Variants in MDGA2 observed in about 807,000 individuals in gnomAD.
MDGA2 encodes MAM domain containing glycosylphosphatidylinositol anchor 2.
MDGA2 carries 40 observed loss-of-function variants against 117.8 expected under a neutral mutation model. That is an observed-to-expected ratio of 0.34 (90% CI 0.26 to 0.44). MDGA2 has a LOEUF of 0.44. Ranked by LOEUF, MDGA2 falls within the 20% of genes least tolerant of loss-of-function variation. The probability of loss-of-function intolerance (pLI) is 1.00; values close to 1 mark genes in which losing one functional copy is unlikely to be tolerated. For synonymous variants in MDGA2, 452 were observed against 439.0 expected (o/e 1.03, Z -0.37); for missense variants, 1,123 against 1,250.6 (o/e 0.90, Z 1.54).
chr14:47,502,421 T>A (rs1276676792), intron 1 of MDGA2, among the ~76,000 whole-genome samples: 1 of 152,138 alleles, frequency 6.6e-6, no homozygotes, highest in Non-Finnish European at 1.5e-5. Context: ...AGAACTAAAT[T>A]CTGTCTCATG....
intron 1 of MDGA2, among the ~76,000 whole-genome samples, chr14:47,384,466 A>C (rs1891713058): frequency 6.6e-6 from 1 of 151,932 alleles, no homozygotes; most frequent in Non-Finnish European, 1.5e-5. Flanking sequence ...TAGAATTGTT[A>C]TCTTGTATTA....
At chr14:47,154,443 C>T (rs1883286744) in intron 3 of MDGA2, among the ~76,000 whole-genome samples, 1 of 152,054 alleles carries the variant, frequency 6.6e-6, no homozygotes, top group Non-Finnish European at 1.5e-5. Context: ...CCCTGTGATC[C>T]CAGGCACAGC....
rs1897896664 is a variant in MDGA2, at chr14:47,663,977, TTATA to T, written c.280+10536_280+10539del. On this transcript the variant is annotated intron_variant, in intron 1 of 16. Coordinates refer to ENST00000399232, the MANE Select transcript of MDGA2 (RefSeq NM_001113498.3). ...CACGTATTTGAACACACTTATAGAT[TTATA>T]TAAGCATAAATTTACCCATAACCAT... Among the ~76,000 whole-genome samples the T allele has an allele frequency of 2.6e-5, 4 of 152,244 alleles. No homozygotes were observed. The South Asian group carries it at 8.3e-4, about 32-fold the overall frequency.
In MDGA2 at chr14:47,082,938, A is replaced by C. The variant is rs74596436; in HGVS notation, c.1195+13916T>G. ...AAAAATTAAATAAGTGAAATGAAGA[A>C]TTCAATAAATATGTCTACTAGTAGA... On this transcript the variant is annotated intron_variant, in intron 6 of 16. Transcript: ENST00000399232. Among the ~76,000 whole-genome samples the C allele has an allele frequency of 3.2e-4, 48 of 152,176 alleles. No homozygotes were observed. The East Asian group carries it at 9.1e-3, about 29-fold the overall frequency.
intron 1 of MDGA2, among the ~76,000 whole-genome samples, chr14:47,558,956 G>A (rs1330038217): frequency 6.6e-6 from 1 of 151,812 alleles, no homozygotes; most frequent in Non-Finnish European, 1.5e-5. Flanking sequence ...ATATACATAC[G>A]ATACACATAT....
intron 1 of MDGA2, among the ~76,000 whole-genome samples, chr14:47,439,347 G>A (rs2138543515): frequency 6.6e-6 from 1 of 152,174 alleles, no homozygotes; most frequent in East Asian, 1.9e-4. Context: ...GTATGTGTGT[G>A]TATGTTTATC....
chr14:47,123,156 G>T, intron 5 of MDGA2, among the ~76,000 whole-genome samples: 1 of 152,032 alleles, frequency 6.6e-6, no homozygotes, highest in East Asian at 1.9e-4. Context: ...TCTGGATTAT[G>T]ATATCTTCTG....
chr14:47,278,150 T>C (rs1182385272), intron 2 of MDGA2, among the ~76,000 whole-genome samples: 1 of 151,552 alleles, frequency 6.6e-6, no homozygotes. Context: ...AATAAATAAA[T>C]TAATTAAATA....
intron 12 of MDGA2, among the ~76,000 whole-genome samples, chr14:46,875,383 T>C (rs1351904087): frequency 1.3e-5 from 2 of 151,786 alleles, no homozygotes; most frequent in African/African-American, 4.8e-5. Context: ...AGTTTATGTT[T>C]TGTTTTTGTT....
rs1898164052 is a variant in MDGA2 at position 47,675,327 on chromosome 14, AG to A, written c.-532del. On this transcript the variant is annotated 5_prime_UTR_variant, in exon 1 of 17. Coordinates refer to ENST00000399232, the MANE Select transcript of MDGA2 (RefSeq NM_001113498.3). ...GAACGGGGAGAGGAGGAAGAGGAGG[AG>A]GAGGAAGAGGAGGAGGAGGAAGAGG... is the stretch of plus-strand genomic sequence containing the variant. Among the ~76,000 whole-genome samples, 1 of 130,758 alleles carries A rather than the reference AG, an allele frequency of 7.6e-6. No homozygotes were observed. Among genetic ancestry groups the A allele is most frequent in the Admixed American group, 8.0e-5 (1 of 12,528 alleles). 85.8% of individuals were successfully genotyped at this position (130,758 alleles called of 152,430 possible). A position where few individuals can be genotyped will look rare whatever the true frequency, so the allele number is the denominator to read the frequency against.
intron 1 of MDGA2, among the ~76,000 whole-genome samples, chr14:47,493,383 T>C (rs1248949834): frequency 6.6e-6 from 1 of 151,580 alleles, no homozygotes; most frequent in Admixed American, 6.6e-5. Flanking sequence ...TGCTGTGATC[T>C]TGGCTCACTG....
At chr14:46,993,589 G>T (rs1046379581) in intron 8 of MDGA2, among the ~76,000 whole-genome samples, 1 of 151,792 alleles carries the variant, frequency 6.6e-6, no homozygotes, top group Admixed American at 6.6e-5. Context: ...AGCCTCCCGA[G>T]TATCTGGGAT....
intron 1 of MDGA2, among the ~76,000 whole-genome samples, chr14:47,356,064 C>T (rs979623683): frequency 5.3e-5 from 8 of 152,106 alleles, no homozygotes; most frequent in African/African-American, 1.7e-4. Context: ...ATGGACAAGG[C>T]CTGGCCAAAT....
At chr14:47,076,754 A>C (rs1426690281) in intron 6 of MDGA2, among the ~76,000 whole-genome samples, 1 of 152,128 alleles carries the variant, frequency 6.6e-6, no homozygotes, top group Non-Finnish European at 1.5e-5. Flanking sequence ...GAATCTTATA[A>C]AGCTATTATT....
chr14:47,052,793 C>T (rs537907740), intron 7 of MDGA2, among the ~76,000 whole-genome samples: 6 of 151,762 alleles, frequency 4.0e-5, no homozygotes, highest in East Asian at 1.9e-4. Flanking sequence ...AAGAAGATGC[C>T]GCATAATCTG....
At chr14:47,381,113 A>G (rs1007950657) in intron 1 of MDGA2, among the ~76,000 whole-genome samples, 3 of 152,218 alleles carry the variant, frequency 2.0e-5, no homozygotes, top group Non-Finnish European at 4.4e-5. Flanking sequence ...CAAAAACCAC[A>G]TGATTATCTC....
intron 1 of MDGA2, among the ~76,000 whole-genome samples, chr14:47,455,405 C>T (rs997821448): frequency 6.6e-6 from 1 of 151,946 alleles, no homozygotes; most frequent in Admixed American, 6.6e-5. Context: ...ACTTGAGAGG[C>T]GGAGGCACAA....
At chr14:47,097,581 G>A (rs1176719916) in intron 5 of MDGA2, among the ~76,000 whole-genome samples, 1 of 151,944 alleles carries the variant, frequency 6.6e-6, no homozygotes, top group East Asian at 1.9e-4. Context: ...TTTGCAATCT[G>A]AATACAACCA....
chr14:46,965,444 A>G (rs1885989703), intron 8 of MDGA2, among the ~76,000 whole-genome samples: 1 of 152,194 alleles, frequency 6.6e-6, no homozygotes. Flanking sequence ...CATAAAGTTT[A>G]ATAGAGTCTG....
Sources: gnomAD v4.1 joint callset for allele counts (sites outside exome capture counted in the v4.1 genomes callset) on GRCh38, gnomAD v4.1.1 for gene constraint, MANE v1.5 for transcripts, NCBI Gene and HGNC (gene_info 2026-07-23, HGNC 2026-07-21) for gene names.